The following PARD3 variants were observed in gnomAD, a reference collection of about 807,000 sequenced individuals.
PARD3 encodes the protein partitioning defective 3 homolog.
A neutral mutation model predicts 155.4 loss-of-function variants in PARD3; 75 were observed. The ratio of observed to expected loss-of-function variants is 0.48; its 90% confidence interval spans 0.40 to 0.58. The LOEUF is 0.58. Ranked by LOEUF, PARD3 falls within the 20% of genes least tolerant of loss-of-function variation. The pLI is 0.00. For missense variants in PARD3, 1,642 were observed against 1,721.7 expected, an observed-to-expected ratio of 0.95 and a Z score of 0.82; for synonymous variants, 576 against 610.5, an observed-to-expected ratio of 0.94 and a Z score of 0.83.
At chr10:34,637,542 T>C (rs1208204008) in intron 2 of PARD3, among the ~76,000 whole-genome samples, 2 of 152,178 alleles carry the variant, frequency 1.3e-5, no homozygotes, top group African/African-American at 4.8e-5. Flanking sequence ...CTACAATGCT[T>C]TGTCACTGGG....
intron 22 of PARD3, among the ~76,000 whole-genome samples, chr10:34,264,557 C>G (rs559142916): frequency 6.6e-6 from 1 of 152,184 alleles, no homozygotes; most frequent in African/African-American, 2.4e-5. Flanking sequence ...ACTTTAGAAT[C>G]AGGGAAAATG....
intron 1 of PARD3, among the ~76,000 whole-genome samples, chr10:34,767,187 A>C (rs955882431): frequency 6.6e-6 from 1 of 152,208 alleles, no homozygotes; most frequent in African/African-American, 2.4e-5. Context: ...AGAAAAACAA[A>C]GTGCTTGTTT....
chr10:34,300,865 T>C (rs1458525473), intron 20 of PARD3, among the ~76,000 whole-genome samples: 2 of 152,204 alleles, frequency 1.3e-5, no homozygotes, highest in Non-Finnish European at 2.9e-5. Flanking sequence ...AGACAGTGAA[T>C]GACAGTCTCT....
intron 12 of PARD3, among the ~76,000 whole-genome samples, chr10:34,365,723 G>T (rs1254588824): frequency 6.6e-6 from 1 of 152,022 alleles, no homozygotes; most frequent in Non-Finnish European, 1.5e-5. Flanking sequence ...AAGCAGTTGG[G>T]ACTAAAGGCG....
chr10:34,219,083 T>C (rs1228784491), intron 22 of PARD3, among the ~76,000 whole-genome samples: 2 of 152,202 alleles, frequency 1.3e-5, no homozygotes, highest in Middle Eastern at 3.2e-3. Flanking sequence ...TTTAAAGGTA[T>C]AGGAATTATT....
chr10:34,590,478 T>C (rs1033242180), intron 2 of PARD3, among the ~76,000 whole-genome samples: 13 of 152,336 alleles, frequency 8.5e-5, no homozygotes, highest in African/African-American at 2.6e-4. Context: ...CCATAGTTGA[T>C]TGCATTTTCA....
chr10:34,187,987 A>G (rs902373497), intron 22 of PARD3, among the ~76,000 whole-genome samples: 7 of 152,210 alleles, frequency 4.6e-5, no homozygotes, highest in African/African-American at 1.7e-4. Flanking sequence ...GGAGCTGCAG[A>G]TAATTAAAGT....
chr10:34,456,719 CAT>C, intron 4 of PARD3, among the ~76,000 whole-genome samples: 1 of 152,282 alleles, frequency 6.6e-6, no homozygotes, highest in East Asian at 1.9e-4. Context: ...AATATCCTAA[CAT>C]ATATATCAAA....
chr10:34,401,709 C>A (rs576759183), intron 6 of PARD3, 117 bp downstream of exon 6: 3 of 756,336 alleles, frequency 4.0e-6, no homozygotes. Flanking sequence ...AATCAATGCA[C>A]GGCATGTTTT....
intron 2 of PARD3, among the ~76,000 whole-genome samples, chr10:34,546,202 TTTG>T (rs2084037720): frequency 6.6e-6 from 1 of 152,176 alleles, no homozygotes; most frequent in Non-Finnish European, 1.5e-5. Flanking sequence ...CACTCTTTTT[TTTG>T]AAGTTAACAG....
At chr10:34,543,019 A>C (rs2083759592) in intron 2 of PARD3, among the ~76,000 whole-genome samples, 1 of 152,202 alleles carries the variant, frequency 6.6e-6, no homozygotes, top group Admixed American at 6.5e-5. Flanking sequence ...ATGATATGAA[A>C]GTGTCCAAAT....
chr10:34,459,197 C>T (rs1055236641), intron 4 of PARD3, among the ~76,000 whole-genome samples: 3 of 152,030 alleles, frequency 2.0e-5, no homozygotes, highest in African/African-American at 4.8e-5. Flanking sequence ...GACGGAGTCT[C>T]GCTCTGTGGC....
At chr10:34,294,561 G>A (rs1956819441) in intron 20 of PARD3, among the ~76,000 whole-genome samples, 1 of 152,200 alleles carries the variant, frequency 6.6e-6, no homozygotes. Context: ...AATTCCTTTT[G>A]ATTCACATTT....
intron 16 of PARD3, among the ~76,000 whole-genome samples, chr10:34,339,930 T>C (rs1216825145): frequency 6.6e-6 from 1 of 152,212 alleles, no homozygotes; most frequent in Non-Finnish European, 1.5e-5. Context: ...TCCTGACCCC[T>C]AATGTTATTA....
At chr10:34,677,773 G>A (rs187228842) in intron 2 of PARD3, among the ~76,000 whole-genome samples, 4 of 152,244 alleles carry the variant, frequency 2.6e-5, no homozygotes, top group Non-Finnish European at 4.4e-5. Context: ...TTCACAGCTC[G>A]AAAATCACCG....
intron 3 of PARD3, among the ~76,000 whole-genome samples, chr10:34,508,798 C>T (rs1589819848): frequency 6.6e-6 from 1 of 152,198 alleles, no homozygotes; most frequent in Non-Finnish European, 1.5e-5. Context: ...GGCTGAGTAA[C>T]GTCTCAACCT....
chr10:34,439,750 C>A (rs1375795040), intron 5 of PARD3, among the ~76,000 whole-genome samples: 1 of 151,686 alleles, frequency 6.6e-6, no homozygotes, highest in Non-Finnish European at 1.5e-5. Flanking sequence ...AATAACATGT[C>A]AAAAGTATTA....
chr10:34,637,874 T>C lies in PARD3; in HGVS notation c.222+58444A>G, dbSNP rs569737338. Among the ~76,000 whole-genome samples, 4 of 152,310 alleles carry C rather than the reference T, an allele frequency of 2.6e-5. No homozygotes were observed. In the East Asian group the frequency reaches 7.7e-4, roughly 29 times the overall value. On this transcript the variant is annotated intron_variant, in intron 2 of 24. Transcript: ENST00000374788. ...CATCAAATAATTAAGTTTGCAGGCG[T>C]GAAATATATTCAAAAGCCAGGTATA...
intron 2 of PARD3, among the ~76,000 whole-genome samples, chr10:34,625,719 CCTGA>C (rs1223699263): frequency 6.6e-6 from 1 of 151,896 alleles, no homozygotes; most frequent in Non-Finnish European, 1.5e-5. Flanking sequence ...TTGAGACCAG[CCTGA>C]CTAACATGGA....
Sources: gnomAD v4.1 joint callset for allele counts (sites outside exome capture counted in the v4.1 genomes callset) on GRCh38, gnomAD v4.1.1 for gene constraint, MANE v1.5 for transcripts, NCBI Gene and HGNC (gene_info 2026-07-23, HGNC 2026-07-21) for gene names.